The following MFAP3 variants were observed in gnomAD, a reference collection of about 807,000 sequenced individuals.
The protein encoded by MFAP3 is microfibril-associated glycoprotein 3.
MFAP3 carries 8 observed loss-of-function variants against 20.5 expected under a neutral mutation model. The ratio of observed to expected loss-of-function variants is 0.39; its 90% CI spans 0.23 to 0.70. The LOEUF (loss-of-function observed/expected upper bound fraction) is 0.70, where lower values mean the gene tolerates loss of function less well. Ranked by LOEUF, MFAP3 falls within the 30% of genes least tolerant of loss-of-function variation. The pLI is 0.44. For synonymous variants in MFAP3, 140 were observed against 154.0 expected (o/e 0.91, Z 0.67); for missense variants, 398 against 444.6 (o/e 0.90, Z 0.94).
At chr5:154,039,969 G>A (rs1048234179) in intron 1 of MFAP3, among the ~76,000 whole-genome samples, 1 of 152,084 alleles carries the variant, frequency 6.6e-6, no homozygotes, top group Admixed American at 6.5e-5. Flanking sequence ...TCACCTGGAA[G>A]CTTGTTAAAA....
intron 1 of MFAP3, among the ~76,000 whole-genome samples, chr5:154,047,765 A>T (rs1233062772): frequency 6.6e-6 from 1 of 152,230 alleles, no homozygotes; most frequent in Non-Finnish European, 1.5e-5. Context: ...AACAACAACA[A>T]CAAAAAAGAC....
intron 1 of MFAP3, among the ~76,000 whole-genome samples, chr5:154,047,313 A>G (rs1248638732): frequency 6.6e-6 from 1 of 152,142 alleles, no homozygotes; most frequent in African/African-American, 2.4e-5. Flanking sequence ...CATCTGCCAG[A>G]CTGAACTTCG....
In MFAP3 at chr5:154,053,128, A is replaced by G. The variant is rs886612290; in HGVS notation, c.504A>G (p.Thr168=). The change falls in exon 3 of 3, where the codon ACA becomes ACG. Residue 168 remains threonine, a synonymous_variant. Coordinates refer to ENST00000522782, the MANE Select transcript of MFAP3 (RefSeq NM_005927.5). ...AFTITLILNV[T]RLCMMSSHLR... Reference sequence around the variant, plus strand: ...CAATCACACTCATCTTGAATGTCACACGGCTGTGCATGATGAGCAGCCATC... The same window carrying G: ...CAATCACACTCATCTTGAATGTCACGCGGCTGTGCATGATGAGCAGCCATC... 2 of 1,613,716 alleles carry G rather than the reference A, an allele frequency of 1.2e-6. No homozygotes were observed. Among genetic ancestry groups the G allele is most frequent in the African/African-American group, 1.3e-5 (1 of 74,882 alleles).
At position 154,053,489 on chromosome 5, in the gene MFAP3, G is replaced by T. The variant is rs759431382; in HGVS notation, c.865G>T (p.Glu289Ter). ...AQGGIYVINP[E>*]MGRSNSPGGD... ...AGGTGGCATCTATGTCATTAACCCA[G>T]AGATGGGACGGAGTAATTCACCAGG... Residue 289 changes from glutamate to a stop codon, truncating the protein, a stop_gained, in exon 3 of 3, where the codon GAG becomes TAG. Coordinates refer to ENST00000522782, the MANE Select transcript of MFAP3 (RefSeq NM_005927.5). LOFTEE classifies it high-confidence loss of function. 6 of 1,613,808 alleles carry T rather than the reference G, an allele frequency of 3.7e-6. No homozygotes were observed. Among genetic ancestry groups the T allele is most frequent in the Non-Finnish European group, 5.1e-6 (6 of 1,179,930 alleles).
rs142555829 is a variant in MFAP3 at position 154,046,344 on chromosome 5, A to G, written c.-166-3213A>G. On this transcript the variant is annotated intron_variant, in intron 1 of 2. Coordinates refer to ENST00000522782, the MANE Select transcript of MFAP3 (RefSeq NM_005927.5). ...AATCCCTGTTGCATAACATTATTCA[A>G]TTTATAAAGATCTGTCACATACTGA... Among the ~76,000 whole-genome samples, 641 of 152,372 alleles carry G rather than the reference A, an allele frequency of 4.2e-3. 2 individuals are homozygous for G. Among genetic ancestry groups the G allele is most frequent in the African/African-American group, 0.014 (594 of 41,580 alleles).
rs147061026 is a variant in MFAP3, at chr5:154,042,268, T to C, written c.-167+3257T>C. Among the ~76,000 whole-genome samples the C allele has an allele frequency of 5.9e-3, 896 of 152,306 alleles. 5 individuals are homozygous for C. Among genetic ancestry groups the C allele is most frequent in the Non-Finnish European group, 9.7e-3 (657 of 68,020 alleles). On this transcript the variant is annotated intron_variant, in intron 1 of 2. Coordinates refer to ENST00000522782, the MANE Select transcript of MFAP3 (RefSeq NM_005927.5). The stretch of plus-strand genomic sequence containing the variant: ...CCTGTTTCATTGATGTTTTTGTCAT[T>C]TGCATCCAGTAGCTATTCAGCAAAT...
At chr5:154,051,513 C>T (rs559525052) in intron 2 of MFAP3, among the ~76,000 whole-genome samples, 1 of 152,268 alleles carries the variant, frequency 6.6e-6, no homozygotes, top group South Asian at 2.1e-4. Flanking sequence ...AAATCTTGAG[C>T]TATTATCAGC....
chr5:154,042,454 G>C (rs953073122), intron 1 of MFAP3, among the ~76,000 whole-genome samples: 1 of 152,202 alleles, frequency 6.6e-6, no homozygotes, highest in African/African-American at 2.4e-5. Context: ...GTATGTGATA[G>C]CTCCAAGGTA....
Position 154,050,034 on chromosome 5 carries a change from T to A in MFAP3, c.295+17T>A. 1 of 1,573,258 alleles carries A rather than the reference T, an allele frequency of 6.4e-7. No homozygotes were observed. Among genetic ancestry groups the A allele is most frequent in the Non-Finnish European group, 8.6e-7 (1 of 1,157,954 alleles). ...GAAGCAGAGGTAATTGGTCAGGGTA[T>A]AATTAATCAAGGTTACTCATTTCCT... On this transcript the variant is annotated intron_variant, in intron 2 of 2. Coordinates refer to ENST00000522782, the MANE Select transcript of MFAP3 (RefSeq NM_005927.5).
chr5:154,039,230 G>A (rs1349883732), intron 1 of MFAP3: 2 of 152,210 alleles, frequency 1.3e-5, no homozygotes, highest in Non-Finnish European at 2.9e-5. Flanking sequence ...ATCAGTCAAC[G>A]AACGGAAGGG....
At position 154,053,989 on chromosome 5, in the gene MFAP3, A is replaced by T. The variant is rs1773269934; in HGVS notation, c.*276A>T. The T allele has an allele frequency of 5.6e-6, 2 of 359,462 alleles. No individual in the cohort carries two copies. The highest frequency in any genetic ancestry group is 1.1e-5 in the Non-Finnish European group (2 of 188,654). 22.3% of individuals were successfully genotyped at this position (359,462 alleles called of 1,614,324 possible). The stretch of plus-strand genomic sequence containing the variant: ...ACATGATGGGGAAAAGCACTGAACT[A>T]AGAGTCCCATGGTTTCTCTTCTGGT... On this transcript the variant is annotated 3_prime_UTR_variant, in exon 3 of 3. Coordinates refer to ENST00000522782, the MANE Select transcript of MFAP3 (RefSeq NM_005927.5).
intron 1 of MFAP3, among the ~76,000 whole-genome samples, chr5:154,043,741 T>C (rs970495600): frequency 1.0e-5 from 1 of 96,102 alleles, no homozygotes; most frequent in Non-Finnish European, 2.2e-5. Flanking sequence ...TATATATATA[T>C]ATTTTTTTTT....
intron 1 of MFAP3, among the ~76,000 whole-genome samples, chr5:154,045,281 G>T (rs1010013796): frequency 1.3e-5 from 2 of 152,120 alleles, no homozygotes. Flanking sequence ...GAGCCGTTGG[G>T]TAAGTAGATC....
At chr5:154,051,664 A>G (rs1336875707) in intron 2 of MFAP3, 2 of 152,204 alleles carry the variant, frequency 1.3e-5, no homozygotes, top group African/African-American at 2.4e-5. Context: ...GAAAATGGCT[A>G]TATTCATAAC....
At chr5:154,050,610 CTTTTTTTTT>C (rs11167656) in intron 2 of MFAP3, among the ~76,000 whole-genome samples, 4 of 93,288 alleles carry the variant, frequency 4.3e-5, no homozygotes, top group African/African-American at 1.6e-4. Context: ...CCTTCCAGCT[CTTTTTTTTT>C]TTTTTTTTTT....
chr5:154,052,677 G>C (rs535969736), intron 2 of MFAP3, among the ~76,000 whole-genome samples: 1 of 152,240 alleles, frequency 6.6e-6, no homozygotes, highest in South Asian at 2.1e-4. Context: ...TGAAAAGGAA[G>C]CTATGTTAAT....
In MFAP3 at chr5:154,055,795, A is replaced by T. The variant is rs1418949836; in HGVS notation, c.*2082A>T. ...TAATTTTTTTTTATTTTTTGTAGAG[A>T]TGGGGGTCTCACTTTGTTGCCCAGG... On this transcript the variant is annotated 3_prime_UTR_variant, in exon 3 of 3. Coordinates refer to ENST00000522782, the MANE Select transcript of MFAP3 (RefSeq NM_005927.5). Among the ~76,000 whole-genome samples, 6 of 151,664 alleles carry T rather than the reference A, an allele frequency of 4.0e-5. No homozygotes were observed. Among genetic ancestry groups the T allele is most frequent in the Non-Finnish European group, 8.8e-5 (6 of 67,918 alleles).
Position 154,049,631 on chromosome 5 carries a change from C to A in MFAP3, c.-92C>A. The stretch of plus-strand genomic sequence containing the variant: ...TCTACCACTTGTTTGGAAAATTTCT[C>A]TACCAAGCAATAAATTACCCGCTGT... On this transcript the variant is annotated 5_prime_UTR_variant, in exon 2 of 3. Coordinates refer to ENST00000522782, the MANE Select transcript of MFAP3 (RefSeq NM_005927.5). The A allele has an allele frequency of 7.7e-7, 1 of 1,293,166 alleles. No individual in the cohort carries two copies. The highest frequency in any genetic ancestry group is 1.1e-6 in the Non-Finnish European group (1 of 940,100). The allele number at this position is 1,293,166 out of a possible 1,614,324, so 80.1% of individuals were successfully genotyped here.
intron 1 of MFAP3, among the ~76,000 whole-genome samples, chr5:154,046,450 G>A (rs1212904876): frequency 1.3e-5 from 2 of 152,178 alleles, no homozygotes; most frequent in South Asian, 2.1e-4. Context: ...TATAGGCCTT[G>A]TTCTTAAGGG....
Sources: allele counts gnomAD v4.1 joint callset (sites outside exome capture counted in the v4.1 genomes callset), GRCh38; gene constraint gnomAD v4.1.1; transcripts MANE v1.5; gene names NCBI Gene and HGNC (gene_info 2026-07-23, HGNC 2026-07-21).